The following KCTD16 variants were observed in gnomAD, a reference collection of about 807,000 sequenced individuals.
KCTD16 encodes the protein BTB/POZ domain-containing protein KCTD16.
A neutral mutation model predicts 33.2 loss-of-function variants in KCTD16; 13 were observed. The ratio of observed to expected loss-of-function variants is 0.39; its 90% CI spans 0.25 to 0.62. KCTD16 has a LOEUF of 0.62. Among genes scored for constraint, KCTD16 ranks in the 20% least tolerant of loss-of-function variants. The pLI is 0.50. For synonymous variants in KCTD16, 197 were observed against 195.3 expected (o/e 1.01, Z -0.07); for missense variants, 441 against 525.1 (o/e 0.84, Z 1.57).
rs1206029829 is a variant in KCTD16, at chr5:144,463,386, T to A, written c.833-10274T>A. 3.3e-5 allele frequency among the ~76,000 whole-genome samples: 5 copies of A among 152,228 alleles called. No homozygotes were observed. The South Asian group carries it at 1.0e-3, about 31-fold the overall frequency. On this transcript the variant is annotated intron_variant, in intron 3 of 3. Transcript: ENST00000512467. The stretch of plus-strand genomic sequence containing the variant: ...AATATTAAACATGCCAATGTAGGTA[T>A]CAAAAGCAATCAATTGTCTTCTAAA...
rs569457459 is a variant in KCTD16, at chr5:144,346,082, C to A, written c.833-127578C>A. 2.0e-5 allele frequency among the ~76,000 whole-genome samples: 3 copies of A among 151,752 alleles called. No individual in the cohort carries two copies. The East Asian group carries it at 5.8e-4, about 30-fold the overall frequency. ...AGTTCAATTGTTTTGATTTTTAGAT[C>A]CCACAAATAAGTGGGAACATGCAGT... is the stretch of plus-strand genomic sequence containing the variant. On this transcript the variant is annotated intron_variant, in intron 3 of 3. Coordinates refer to ENST00000512467, the MANE Select transcript of KCTD16 (RefSeq NM_020768.4).
chr5:144,249,339 A>T, intron 3 of KCTD16, among the ~76,000 whole-genome samples: 1 of 152,038 alleles, frequency 6.6e-6, no homozygotes, highest in East Asian at 1.9e-4. Context: ...CTCTTTTGTA[A>T]TCATTATAAT....
chr5:144,318,168 CTT>C (rs1459450145), intron 3 of KCTD16, among the ~76,000 whole-genome samples: 2 of 152,160 alleles, frequency 1.3e-5, no homozygotes, highest in Non-Finnish European at 2.9e-5. Context: ...TTGCAAATCT[CTT>C]TTTGTTATTG....
intron 3 of KCTD16, among the ~76,000 whole-genome samples, chr5:144,434,475 G>A (rs1357227229): frequency 6.6e-6 from 1 of 151,968 alleles, no homozygotes; most frequent in South Asian, 2.1e-4. Context: ...TATAGATTAC[G>A]GCAATCCTTT....
chr5:144,300,715 T>C (rs1355056685), intron 3 of KCTD16, among the ~76,000 whole-genome samples: 1 of 152,176 alleles, frequency 6.6e-6, no homozygotes, highest in African/African-American at 2.4e-5. Flanking sequence ...ATAATTGATA[T>C]ACAATGTGGT....
intron 3 of KCTD16, among the ~76,000 whole-genome samples, chr5:144,393,199 A>T (rs1048769398): frequency 6.6e-6 from 1 of 152,160 alleles, no homozygotes; most frequent in Non-Finnish European, 1.5e-5. Flanking sequence ...TCAGAGCAAT[A>T]ATCTTGTGAT....
rs1319476811 is a variant in KCTD16, at chr5:144,179,434, GTGTAACCACTA to G, written c.-327+4967_-327+4977del. Among the ~76,000 whole-genome samples, 4 of 152,312 alleles carry G rather than the reference GTGTAACCACTA, an allele frequency of 2.6e-5. No homozygotes were observed. In the East Asian group the frequency reaches 7.7e-4, roughly 29 times the overall value. ...CCCTGCTTATTCACTCTGCTCCTGA[GTGTAACCACTA>G]TGTATCCCTGCATGCGTGCAGGCTC... On this transcript the variant is annotated intron_variant, in intron 2 of 3. Transcript: ENST00000512467.
At position 144,418,249 on chromosome 5, in the gene KCTD16, G is replaced by A. The variant is rs555599268; in HGVS notation, c.833-55411G>A. On this transcript the variant is annotated intron_variant, in intron 3 of 3. Coordinates refer to ENST00000512467, the MANE Select transcript of KCTD16 (RefSeq NM_020768.4). ...TTATTACAAAGAGCAAAAGAACAAGGCTTCCACAGCGTGGAAGGAGACCGA... is the reference window on the plus strand; with the variant it reads ...TTATTACAAAGAGCAAAAGAACAAGACTTCCACAGCGTGGAAGGAGACCGA... Among the ~76,000 whole-genome samples the A allele has an allele frequency of 1.3e-4, 20 of 152,220 alleles. No individual in the cohort carries two copies. The South Asian group carries it at 3.5e-3, about 27-fold the overall frequency.
intron 3 of KCTD16, among the ~76,000 whole-genome samples, chr5:144,339,943 T>C (rs920148645): frequency 6.6e-6 from 1 of 152,140 alleles, no homozygotes; most frequent in South Asian, 2.1e-4. Flanking sequence ...ATAGTGCTTG[T>C]CACTGCTGCC....
chr5:144,288,933 T>G (rs1270386508), intron 3 of KCTD16, among the ~76,000 whole-genome samples: 1 of 152,126 alleles, frequency 6.6e-6, no homozygotes, highest in African/African-American at 2.4e-5. Flanking sequence ...GAAGAATCAC[T>G]TGAACCCGGG....
chr5:144,373,987 C>T (rs1580911945), intron 3 of KCTD16, among the ~76,000 whole-genome samples: 1 of 152,130 alleles, frequency 6.6e-6, no homozygotes, highest in African/African-American at 2.4e-5. Context: ...GTTTCAGTCA[C>T]CACATCAAGT....
At chr5:144,438,496 A>G (rs1473398555) in intron 3 of KCTD16, among the ~76,000 whole-genome samples, 1 of 152,200 alleles carries the variant, frequency 6.6e-6, no homozygotes, top group Non-Finnish European at 1.5e-5. Flanking sequence ...TTCCTATTTC[A>G]TAGTAGCCAC....
At chr5:144,269,078 C>T (rs1174340070) in intron 3 of KCTD16, among the ~76,000 whole-genome samples, 1 of 151,902 alleles carries the variant, frequency 6.6e-6, no homozygotes, top group African/African-American at 2.4e-5. Context: ...GAAAAGTGAA[C>T]AGACACTAAG....
At chr5:144,447,813 G>A (rs1019737776) in intron 3 of KCTD16, among the ~76,000 whole-genome samples, 2 of 152,008 alleles carry the variant, frequency 1.3e-5, no homozygotes, top group Non-Finnish European at 2.9e-5. Context: ...GATGAAGTAC[G>A]TGCTTCTGAT....
Position 144,207,215 on chromosome 5 carries a change from T to C in KCTD16, c.501T>C (p.Thr167=). ...CCGACCGCAAGTGGGGTTTCATTACTGTGGGTTACAGAGGATCCTGCACCT... is the reference window on the plus strand; with the variant it reads ...CCGACCGCAAGTGGGGTTTCATTACCGTGGGTTACAGAGGATCCTGCACCT... ...LPADRKWGFI[T]VGYRGSCTLG... is the part of the protein sequence containing the mutation. The change falls in exon 3 of 4, where the codon ACT becomes ACC. Residue 167 remains threonine, a synonymous_variant. Transcript: ENST00000512467. The C allele has an allele frequency of 6.2e-7, 1 of 1,613,858 alleles. No homozygotes were observed. The highest frequency in any genetic ancestry group is 8.5e-7 in the Non-Finnish European group (1 of 1,179,852).
At chr5:144,297,691 A>T (rs917643567) in intron 3 of KCTD16, among the ~76,000 whole-genome samples, 1 of 152,190 alleles carries the variant, frequency 6.6e-6, no homozygotes, top group African/African-American at 2.4e-5. Flanking sequence ...CTCACATCCG[A>T]CCAATCAGGT....
At chr5:144,393,239 G>A (rs1752491308) in intron 3 of KCTD16, among the ~76,000 whole-genome samples, 1 of 152,034 alleles carries the variant, frequency 6.6e-6, no homozygotes, top group African/African-American at 2.4e-5. Context: ...CAATATCCTG[G>A]TCTTTCTAGA....
At chr5:144,399,561 C>A (rs1269684528) in intron 3 of KCTD16, among the ~76,000 whole-genome samples, 7 of 151,854 alleles carry the variant, frequency 4.6e-5, no homozygotes, top group Non-Finnish European at 1.5e-5. Flanking sequence ...GAAAATATAC[C>A]CTTTCCTCAT....
At position 144,474,122 on chromosome 5, in the gene KCTD16, C is replaced by T; in HGVS notation, c.*8C>T. The T allele has an allele frequency of 6.7e-7, 1 of 1,487,472 alleles. No individual in the cohort carries two copies. Among genetic ancestry groups the T allele is most frequent in the Non-Finnish European group, 9.2e-7 (1 of 1,091,818 alleles). 92.1% of individuals were successfully genotyped at this position (1,487,472 alleles called of 1,614,324 possible). A position where few individuals can be genotyped will look rare whatever the true frequency, so the allele number is the denominator to read the frequency against. On this transcript the variant is annotated 3_prime_UTR_variant, in exon 4 of 4. Coordinates refer to ENST00000512467, the MANE Select transcript of KCTD16 (RefSeq NM_020768.4). ...AGGAAGTATCATCTATAAGGGAGGG[C>T]TGGGGGCGGGAAAAGAAAAAAAAAA...
Sources: gnomAD v4.1 joint callset for allele counts (sites outside exome capture counted in the v4.1 genomes callset) on GRCh38, gnomAD v4.1.1 for gene constraint, MANE v1.5 for transcripts, NCBI Gene and HGNC (gene_info 2026-07-23, HGNC 2026-07-21) for gene names.